The following HS3ST4 variants were observed in gnomAD, a reference collection of about 807,000 sequenced individuals.
HS3ST4 encodes the protein heparan sulfate glucosamine 3-O-sulfotransferase 4.
HS3ST4 carries 17 observed loss-of-function variants against 29.2 expected under a neutral mutation model. The ratio of observed to expected loss-of-function variants is 0.58; its 90% CI spans 0.40 to 0.87. The LOEUF is 0.87. HS3ST4 is among the 40% of genes least tolerant of loss of function. HS3ST4 has a pLI of 0.00. For missense variants in HS3ST4, 627 were observed against 634.5 expected (o/e 0.99, Z 0.13); for synonymous variants, 314 against 285.7 (o/e 1.10, Z -1.00).
At chr16:26,061,031 A>G (rs536853470) in intron 1 of HS3ST4, among the ~76,000 whole-genome samples, 13 of 152,270 alleles carry the variant, frequency 8.5e-5, no homozygotes, top group South Asian at 4.1e-4. Flanking sequence ...ACATGTTCCC[A>G]TCTTCTAAAG....
At chr16:25,883,294 A>T (rs1268138175) in intron 1 of HS3ST4, among the ~76,000 whole-genome samples, 1 of 151,846 alleles carries the variant, frequency 6.6e-6, no homozygotes, top group African/African-American at 2.4e-5. Context: ...TTTGCTCAAG[A>T]CTGTAGTCCC....
At chr16:26,012,778 T>A (rs947434513) in intron 1 of HS3ST4, among the ~76,000 whole-genome samples, 1 of 152,174 alleles carries the variant, frequency 6.6e-6, no homozygotes, top group Non-Finnish European at 1.5e-5. Context: ...ATTGAATAAA[T>A]AGATTTATTA....
intron 1 of HS3ST4, among the ~76,000 whole-genome samples, chr16:25,882,391 G>A (rs934807177): frequency 2.6e-5 from 4 of 152,088 alleles, no homozygotes; most frequent in Non-Finnish European, 5.9e-5. Context: ...ATTTCCTTTC[G>A]GTTCCAGGAG....
At chr16:26,085,487 A>G (rs1162994585) in intron 1 of HS3ST4, among the ~76,000 whole-genome samples, 2 of 149,958 alleles carry the variant, frequency 1.3e-5, no homozygotes, top group East Asian at 1.9e-4. Context: ...TACAGGAATT[A>G]GCTAATCAGT....
At chr16:26,035,051 G>A (rs1969570617) in intron 1 of HS3ST4, among the ~76,000 whole-genome samples, 1 of 152,188 alleles carries the variant, frequency 6.6e-6, no homozygotes, top group African/African-American at 2.4e-5. Context: ...GGCCATCTCT[G>A]TGCAAGACAT....
chr16:25,905,184 G>T (rs866852224), intron 1 of HS3ST4, among the ~76,000 whole-genome samples: 3 of 152,122 alleles, frequency 2.0e-5, no homozygotes, highest in South Asian at 2.1e-4. Flanking sequence ...CAGCTAAAAA[G>T]CTCTGGTCAA....
At chr16:25,779,977 T>C (rs1966851182) in intron 1 of HS3ST4, among the ~76,000 whole-genome samples, 1 of 152,176 alleles carries the variant, frequency 6.6e-6, no homozygotes, top group Non-Finnish European at 1.5e-5. Flanking sequence ...GGTCCCCAGG[T>C]TGGTTATTGC....
chr16:25,934,717 A>G (rs541673372), intron 1 of HS3ST4, among the ~76,000 whole-genome samples: 1 of 152,186 alleles, frequency 6.6e-6, no homozygotes, highest in Admixed American at 6.5e-5. Context: ...CTCCATGCTG[A>G]GCCTCTGCTG....
intron 1 of HS3ST4, among the ~76,000 whole-genome samples, chr16:25,762,650 T>A (rs1966795218): frequency 6.6e-6 from 1 of 151,930 alleles, no homozygotes; most frequent in African/African-American, 2.4e-5. Context: ...GAGGATTGCT[T>A]GAGCTCAGGA....
chr16:26,133,990 G>T (rs1329706951), intron 1 of HS3ST4, among the ~76,000 whole-genome samples: 2 of 152,170 alleles, frequency 1.3e-5, no homozygotes, highest in Admixed American at 1.3e-4. Context: ...GTCTACATAT[G>T]CCTGTAGCAA....
chr16:26,092,928 G>A (rs9928917), intron 1 of HS3ST4, among the ~76,000 whole-genome samples: 82,044 of 151,852 alleles, frequency 0.54, 22,911 homozygotes, highest in African/African-American at 0.67. Context: ...TGGCAGACAA[G>A]GAGATTCTCT....
intron 1 of HS3ST4, among the ~76,000 whole-genome samples, chr16:25,813,280 A>C (rs1019609913): frequency 6.6e-6 from 1 of 152,194 alleles, no homozygotes; most frequent in African/African-American, 2.4e-5. Context: ...CAAGCCAACC[A>C]ACAAAATTAA....
At chr16:25,774,698 G>T (rs544211148) in intron 1 of HS3ST4, among the ~76,000 whole-genome samples, 1 of 152,228 alleles carries the variant, frequency 6.6e-6, no homozygotes, top group African/African-American at 2.4e-5. Flanking sequence ...AGTGTGCGTG[G>T]CATACTATAG....
Position 25,765,385 on chromosome 16 carries a change from G to A in HS3ST4, c.734+72234G>A, listed in dbSNP as rs533866134. ...ACCCAATCGCCAGGAGCCGCTTGCC[G>A]CTTCTGCTGAATCCCCGAATGCTCC... On this transcript the variant is annotated intron_variant, in intron 1 of 1. Coordinates refer to ENST00000331351, the MANE Select transcript of HS3ST4 (RefSeq NM_006040.3). Among the ~76,000 whole-genome samples the A allele has an allele frequency of 3.9e-5, 6 of 152,264 alleles. No individual in the cohort carries two copies. The East Asian group carries it at 5.8e-4, about 15-fold the overall frequency.
At chr16:26,058,085 C>G (rs555395876) in intron 1 of HS3ST4, among the ~76,000 whole-genome samples, 1 of 152,186 alleles carries the variant, frequency 6.6e-6, no homozygotes, top group African/African-American at 2.4e-5. Flanking sequence ...GGAGGCAACA[C>G]AAGTTGTTGC....
At chr16:25,782,593 T>C (rs1173216173) in intron 1 of HS3ST4, among the ~76,000 whole-genome samples, 1 of 152,200 alleles carries the variant, frequency 6.6e-6, no homozygotes, top group East Asian at 1.9e-4. Flanking sequence ...ATGTCTCTGG[T>C]GTCTCAGGAT....
intron 1 of HS3ST4, among the ~76,000 whole-genome samples, chr16:25,721,308 TA>T (rs1334320650): frequency 6.6e-6 from 1 of 152,178 alleles, no homozygotes; most frequent in African/African-American, 2.4e-5. Flanking sequence ...TGTCTAACCT[TA>T]GGGATCCCAG....
chr16:25,759,619 G>C (rs532041960), intron 1 of HS3ST4, among the ~76,000 whole-genome samples: 1 of 152,272 alleles, frequency 6.6e-6, no homozygotes, highest in South Asian at 2.1e-4. Flanking sequence ...GGAGGGAGAG[G>C]CTTCCTTAGA....
At chr16:25,782,027 G>A (rs1966853088) in intron 1 of HS3ST4, among the ~76,000 whole-genome samples, 1 of 152,184 alleles carries the variant, frequency 6.6e-6, no homozygotes, top group Non-Finnish European at 1.5e-5. Context: ...TTACAGTTCA[G>A]CATGGCTGGG....
Sources: gnomAD v4.1 joint callset for allele counts (sites outside exome capture counted in the v4.1 genomes callset) on GRCh38, gnomAD v4.1.1 for gene constraint, MANE v1.5 for transcripts, NCBI Gene and HGNC (gene_info 2026-07-23, HGNC 2026-07-21) for gene names.